TC2N: variants seen among roughly 807,000 people sequenced by gnomAD.
TC2N encodes the protein tandem C2 domains, nuclear.
Under a neutral mutation model 61.9 loss-of-function variants are expected in TC2N, and 51 were observed. That is an observed-to-expected ratio of 0.82 (90% CI 0.66 to 1.04). The LOEUF is 1.04. Ranked by LOEUF, TC2N falls within the 50% of genes least tolerant of loss-of-function variation. TC2N has a pLI of 0.00. For synonymous variants in TC2N, 204 were observed against 192.6 expected (o/e 1.06, Z -0.49); for missense variants, 556 against 566.7 (o/e 0.98, Z 0.19).
chr14:91,844,355 G>T (rs10145714), intron 1 of TC2N, among the ~76,000 whole-genome samples: 73,623 of 151,982 alleles, frequency 0.48, 18,555 homozygotes, highest in Admixed American at 0.55. Context: ...GGAAACGGGG[G>T]AGGAAGAGCC....
At chr14:91,811,343 C>CAGT (rs1293945553) in intron 3 of TC2N, among the ~76,000 whole-genome samples, 1 of 151,756 alleles carries the variant, frequency 6.6e-6, no homozygotes, top group Non-Finnish European at 1.5e-5. Flanking sequence ...GGTGGACATA[C>CAGT]AGGTCTTCAC....
intron 1 of TC2N, among the ~76,000 whole-genome samples, chr14:91,819,708 A>G (rs1171845149): frequency 6.6e-6 from 1 of 152,186 alleles, no homozygotes; most frequent in Non-Finnish European, 1.5e-5. Flanking sequence ...TTATACTGAG[A>G]CAAAAGGTTT....
Position 91,797,834 on chromosome 14 carries a change from G to GT in TC2N, c.805dup (p.Thr269AsnfsTer20), listed in dbSNP as rs761119113. On this transcript the variant is annotated frameshift_variant, in exon 8 of 12. Transcript: ENST00000435962. LOFTEE classifies it high-confidence loss of function. ...TTTGAAATGCACTGGTTTGGGCAAT[G>GT]TAAGTATTCCTTTTATAGAAACAGT... The GT allele has an allele frequency of 1.2e-6, 2 of 1,611,224 alleles. No homozygotes were observed. Among genetic ancestry groups the GT allele is most frequent in the East Asian group, 2.2e-5 (1 of 44,738 alleles).
chr14:91,845,352 C>T (rs922633976), intron 1 of TC2N, among the ~76,000 whole-genome samples: 22 of 152,170 alleles, frequency 1.4e-4, no homozygotes, highest in African/African-American at 5.1e-4. Context: ...AGATAAGTAA[C>T]TTCTCCAAGA....
chr14:91,817,547 C>G (rs1887060329), intron 1 of TC2N, among the ~76,000 whole-genome samples: 1 of 152,056 alleles, frequency 6.6e-6, no homozygotes, highest in Non-Finnish European at 1.5e-5. Context: ...CAGCACACTA[C>G]ATGATGCTGG....
intron 3 of TC2N, among the ~76,000 whole-genome samples, chr14:91,804,430 G>T (rs1402553435): frequency 6.6e-6 from 1 of 151,952 alleles, no homozygotes; most frequent in Non-Finnish European, 1.5e-5. Context: ...CAAAAAATTG[G>T]AAAACTCAAA....
Position 91,802,317 on chromosome 14 carries a change from T to A in TC2N, c.406A>T (p.Ile136Phe), listed in dbSNP as rs1194383785. 7 of 1,607,352 alleles carry A rather than the reference T, an allele frequency of 4.4e-6. No homozygotes were observed. Among genetic ancestry groups the A allele is most frequent in the Middle Eastern group, 3.3e-4 (2 of 6,056 alleles). Residue 136 changes from isoleucine (I) to phenylalanine (F), a missense_variant, in exon 4 of 12, where the codon ATT becomes TTT. Coordinates refer to ENST00000435962, the MANE Select transcript of TC2N (RefSeq NM_001128596.3). ...AAGCGTCGACTCAAATCAGGTGAAA[T>A]GTGCTGATACATATAGAATGGGTTA... is the stretch of plus-strand genomic sequence containing the variant. ...VYNPFYMYQHISPDLSRRFPP... is the reference protein window; with the variant it reads ...VYNPFYMYQHFSPDLSRRFPP...
At chr14:91,795,791 G>A (rs1049949980) in intron 8 of TC2N, among the ~76,000 whole-genome samples, 2 of 151,984 alleles carry the variant, frequency 1.3e-5, no homozygotes, top group Non-Finnish European at 2.9e-5. Flanking sequence ...TGCCCAAACT[G>A]TTACTCTTGT....
At position 91,785,173 on chromosome 14, in the gene TC2N, A is replaced by G. The variant is rs751418321; in HGVS notation, c.1351T>C (p.Phe451Leu). 1 of 1,612,250 alleles carries G rather than the reference A, an allele frequency of 6.2e-7. No individual in the cohort carries two copies. Among genetic ancestry groups the G allele is most frequent in the East Asian group, 2.2e-5 (1 of 44,812 alleles). The change falls in exon 11 of 12, where the codon TTT becomes CTT. Residue 451 changes from phenylalanine (F) to leucine (L), a missense_variant. Phe to Leu is a conservative substitution (Grantham distance 22). Transcript: ENST00000435962. Reference sequence around the variant, plus strand: ...AAACTCCTACTAACCTGGCCCACAAAGTGTTTTCTTCTTACAGAGCTTCGA... The same window carrying G: ...AAACTCCTACTAACCTGGCCCACAAGGTGTTTTCTTCTTACAGAGCTTCGA... ...YSRSSVRRKH[F>L]VGQIWISEDS...
chr14:91,865,035 C>G (rs1888668115), intron 1 of TC2N, among the ~76,000 whole-genome samples: 1 of 152,132 alleles, frequency 6.6e-6, no homozygotes, highest in Non-Finnish European at 1.5e-5. Flanking sequence ...CCACTTCGGC[C>G]TCCCAGATTA....
intron 8 of TC2N, among the ~76,000 whole-genome samples, chr14:91,794,630 T>C (rs1885814483): frequency 6.6e-6 from 1 of 152,058 alleles, no homozygotes; most frequent in Non-Finnish European, 1.5e-5. Flanking sequence ...CTAAATATTT[T>C]AAGTCTACTA....
chr14:91,824,259 T>C (rs908364008), intron 1 of TC2N, among the ~76,000 whole-genome samples: 1 of 152,228 alleles, frequency 6.6e-6, no homozygotes, highest in Non-Finnish European at 1.5e-5. Context: ...GGGGCCTCCA[T>C]GACTCTGCTC....
chr14:91,818,769 T>C (rs1195571835), intron 1 of TC2N, among the ~76,000 whole-genome samples: 1 of 152,042 alleles, frequency 6.6e-6, no homozygotes, highest in Non-Finnish European at 1.5e-5. Context: ...TAATACCAGA[T>C]TGGATATTGC....
intron 1 of TC2N, among the ~76,000 whole-genome samples, chr14:91,858,483 G>A (rs1384625326): frequency 6.6e-6 from 1 of 152,006 alleles, no homozygotes; most frequent in Non-Finnish European, 1.5e-5. Context: ...TCACATCACC[G>A]TAACTCCTCT....
rs983025192 is a variant in TC2N at position 91,780,190 on chromosome 14, T to C, written c.*2910A>G. ...GAAAGAAATATATATTTTTGAAATG[T>C]CAATTACTGCTATGCTATCAAAAGC... On this transcript the variant is annotated 3_prime_UTR_variant, in exon 12 of 12. Coordinates refer to ENST00000435962, the MANE Select transcript of TC2N (RefSeq NM_001128596.3). 3 of 152,230 alleles carry C rather than the reference T, an allele frequency of 2.0e-5. No homozygotes were observed. In the South Asian group the frequency reaches 6.2e-4, roughly 32 times the overall value. 9.4% of individuals were successfully genotyped at this position (152,230 alleles called of 1,614,324 possible). A position where few individuals can be genotyped will look rare whatever the true frequency, so the allele number is the denominator to read the frequency against.
At chr14:91,798,774 C>T (rs1886048086) in intron 6 of TC2N, among the ~76,000 whole-genome samples, 1 of 151,914 alleles carries the variant, frequency 6.6e-6, no homozygotes, top group African/African-American at 2.4e-5. Flanking sequence ...TTTTAAAAAG[C>T]CACACTTGTA....
At chr14:91,826,071 A>G (rs1887484998) in intron 1 of TC2N, among the ~76,000 whole-genome samples, 1 of 152,102 alleles carries the variant, frequency 6.6e-6, no homozygotes, top group Admixed American at 6.5e-5. Flanking sequence ...AAATCCCAGT[A>G]TTTTGTGGGG....
chr14:91,798,413 G>C lies in TC2N; in HGVS notation c.638-14C>G, dbSNP rs141939444. The C allele has an allele frequency of 1.6e-3, 2,211 of 1,405,332 alleles. 27 individuals are homozygous for C. The African/African-American group carries it at 0.023, about 15-fold the overall frequency. 87.1% of individuals were successfully genotyped at this position (1,405,332 alleles called of 1,614,324 possible). On this transcript the variant is annotated splice_polypyrimidine_tract_variant and intron_variant, in intron 6 of 11. Transcript: ENST00000435962. The stretch of plus-strand genomic sequence containing the variant: ...GAGTAATTGTATCTGAATTATAAAA[G>C]GACAAAGATGTTTCAAATGCCATGC...
intron 1 of TC2N, among the ~76,000 whole-genome samples, chr14:91,864,154 T>G (rs1392517772): frequency 6.6e-6 from 1 of 152,198 alleles, no homozygotes; most frequent in African/African-American, 2.4e-5. Flanking sequence ...AGATGTTACC[T>G]TTAGTCTCTG....
Sources: allele counts gnomAD v4.1 joint callset (sites outside exome capture counted in the v4.1 genomes callset), GRCh38; gene constraint gnomAD v4.1.1; transcripts MANE v1.5; gene names NCBI Gene and HGNC (gene_info 2026-07-23, HGNC 2026-07-21).